The following XIST variants were observed in gnomAD, a reference collection of about 807,000 sequenced individuals.
The protein encoded by XIST is X inactive specific transcript.
chrX:73,849,076 C>T (rs1392820737), exon 1 of XIST: 2 of 557,691 alleles, frequency 3.6e-6, no homozygotes, highest in Non-Finnish European at 6.5e-6. Flanking sequence ...TGGGATTTTA[C>T]TCAATAATTT....
intron 4 of XIST, chrX:73,830,976 G>T: frequency 4.1e-6 from 2 of 482,428 alleles, no homozygotes; most frequent in South Asian, 5.8e-5. Flanking sequence ...TGATGAATAC[G>T]ACCTCAGTGA....
chrX:73,847,974 T>A, exon 1 of XIST: 1 of 559,241 alleles, frequency 1.8e-6, no homozygotes, highest in Non-Finnish European at 3.2e-6. Context: ...ATGGTTCACA[T>A]TAACTATCCT....
chrX:73,822,678 C>T (rs1212945891), exon 6 of XIST: 3 of 532,811 alleles, frequency 5.6e-6, no homozygotes, highest in Middle Eastern at 3.1e-4. Context: ...TCACTTCATT[C>T]CATTTTTGTG....
chrX:73,848,436 G>A (rs1922829199), exon 1 of XIST: 2 of 556,162 alleles, frequency 3.6e-6, no homozygotes. Flanking sequence ...GAGGTCTTGA[G>A]TAGTAAGGGT....
At chrX:73,852,322 A>G in exon 1 of XIST, 2 of 545,106 alleles carry the variant, frequency 3.7e-6, no homozygotes, top group East Asian at 6.6e-5. Flanking sequence ...AAAGGCAGGT[A>G]TCCACGGCCC....
At position 73,823,177 on chromosome X, in the gene XIST, A is replaced by T. The variant is rs1226321250; in HGVS notation, n.16724T>A. Reference sequence around the variant, plus strand: ...TAAAAGCAGAATGTTTAGTTAATGAATTAAAGAACAAACCCTGAGCCCTTT... The same window carrying T: ...TAAAAGCAGAATGTTTAGTTAATGATTTAAAGAACAAACCCTGAGCCCTTT... On this transcript the variant is annotated non_coding_transcript_exon_variant, in exon 6 of 6. Coordinates refer to ENST00000429829, the Ensembl canonical transcript of XIST. 4 of 550,191 alleles carry T rather than the reference A, an allele frequency of 7.3e-6. No homozygotes were observed. The Admixed American group carries it at 9.1e-5, about 12-fold the overall frequency. The allele number at this position is 550,191 out of a possible 1,213,427, so 45.3% of individuals were successfully genotyped here.
At chrX:73,850,495 A>C (rs768316280) in exon 1 of XIST, 18 of 542,312 alleles carry the variant, frequency 3.3e-5, no homozygotes, top group Non-Finnish European at 5.9e-5. Context: ...ATAAATCAAA[A>C]TCCGACCCCA....
exon 1 of XIST, chrX:73,845,277 A>C: frequency 1.8e-6 from 1 of 551,450 alleles, no homozygotes; most frequent in African/African-American, 2.3e-5. Context: ...ACTGGAACAA[A>C]TATAATCACA....
Position 73,825,523 on chromosome X carries a change from A to G in XIST, n.14378T>C, listed in dbSNP as rs1439838736. The stretch of plus-strand genomic sequence containing the variant: ...AGGGACAGGCACAGAAAAGGAAACT[A>G]GTAGTATTCAGAAATTTTCTCTGAA... On this transcript the variant is annotated non_coding_transcript_exon_variant, in exon 6 of 6. Transcript: ENST00000429829. The G allele has an allele frequency of 5.8e-6, 3 of 515,625 alleles. No homozygotes were observed. In the East Asian group the frequency reaches 1.1e-4, roughly 19 times the overall value. 42.5% of individuals were successfully genotyped at this position (515,625 alleles called of 1,213,427 possible).
chrX:73,831,112 A>T (rs755203861), exon 4 of XIST: 3 of 558,301 alleles, frequency 5.4e-6, no homozygotes, highest in African/African-American at 2.2e-5. Flanking sequence ...CCTATCTGGG[A>T]CCAGGAAAGT....
At chrX:73,826,680 A>G in exon 6 of XIST, 3 of 557,367 alleles carry the variant, frequency 5.4e-6, no homozygotes, top group Non-Finnish European at 6.5e-6. Context: ...TCAAGCTTCT[A>G]TCCTTCCTGG....
At chrX:73,851,541 G>A (rs375157739) in exon 1 of XIST, 4 of 557,455 alleles carry the variant, frequency 7.2e-6, no homozygotes, top group African/African-American at 4.5e-5. Context: ...GAGCAATGCC[G>A]CAATGTCAAA....
In XIST at chrX:73,827,492, G is replaced by A. The variant is rs147047435; in HGVS notation, n.12409C>T. ...CAAACAGCAAGAGATGCTGAGGCAC[G>A]CAGGGGAGGAGAGAGAGAATAGCCC... is the stretch of plus-strand genomic sequence containing the variant. On this transcript the variant is annotated non_coding_transcript_exon_variant, in exon 6 of 6. Coordinates refer to ENST00000429829, the Ensembl canonical transcript of XIST. 43 of 535,365 alleles carry A rather than the reference G, an allele frequency of 8.0e-5. No individual in the cohort carries two copies. The African/African-American group carries it at 9.5e-4, about 12-fold the overall frequency. 44.1% of individuals were successfully genotyped at this position (535,365 alleles called of 1,213,427 possible). A position where few individuals can be genotyped will look rare whatever the true frequency, so the allele number is the denominator to read the frequency against.
intron 1 of XIST, among the ~76,000 whole-genome samples, chrX:73,841,030 CTTA>C (rs1300570520): frequency 9.0e-6 from 1 of 111,635 alleles, no homozygotes; most frequent in Non-Finnish European, 1.9e-5. Flanking sequence ...CAAAACAGCA[CTTA>C]TTATTTTCTA....
chrX:73,850,533 T>C (rs760002058), exon 1 of XIST: 1 of 550,779 alleles, frequency 1.8e-6, no homozygotes. Context: ...GGTGTTCCTC[T>C]TGAGGAAGGC....
exon 6 of XIST, chrX:73,827,701 C>G (rs1480095163): frequency 1.8e-6 from 1 of 546,590 alleles, no homozygotes; most frequent in East Asian, 3.3e-5. Flanking sequence ...GTAGACAGAA[C>G]AAGAAAAGGA....
Position 73,842,234 on chromosome X carries a change from A to G in XIST, n.10490T>C, listed in dbSNP as rs768193561. The G allele has an allele frequency of 4.4e-5, 23 of 522,751 alleles. No individual in the cohort carries two copies. The African/African-American group carries it at 5.0e-4, about 11-fold the overall frequency. The allele number at this position is 522,751 out of a possible 1,213,427, so 43.1% of individuals were successfully genotyped here. ...GTATCCTGGCATTTGGCACTTTACA[A>G]TAACAATATACAAAGGGGACAACAA... On this transcript the variant is annotated non_coding_transcript_exon_variant, in exon 1 of 6. Transcript: ENST00000429829.
chrX:73,833,754 G>T (rs1050191363), intron 2 of XIST: 1 of 123,374 alleles, frequency 8.1e-6, no homozygotes, highest in African/African-American at 3.2e-5. Context: ...TTTAATAATT[G>T]GCTATCTACC....
exon 6 of XIST, chrX:73,827,851 G>C (rs1228782286): frequency 5.7e-6 from 3 of 528,606 alleles, no homozygotes; most frequent in Non-Finnish European, 1.0e-5. Flanking sequence ...GACCACTCTT[G>C]TGAACAAAAA....
Sources: gnomAD v4.1 joint callset for allele counts (sites outside exome capture counted in the v4.1 genomes callset) on GRCh38, gnomAD v4.1.1 for gene constraint, MANE v1.5 for transcripts, NCBI Gene and HGNC (gene_info 2026-07-23, HGNC 2026-07-21) for gene names.